Variants in ASAP1 observed in about 807,000 individuals in gnomAD.
The protein encoded by ASAP1 is ArfGAP with SH3 domain, ankyrin repeat and PH domain 1.
Under a neutral mutation model 145.2 loss-of-function variants are expected in ASAP1, and 43 were observed. The ratio of observed to expected loss-of-function variants is 0.30; its 90% CI spans 0.23 to 0.38. ASAP1 has a LOEUF of 0.38. Ranked by LOEUF, ASAP1 falls within the 10% of genes least tolerant of loss-of-function variation. The pLI is 1.00. For synonymous variants in ASAP1, 546 were observed against 515.5 expected (o/e 1.06, Z -0.80); for missense variants, 1,018 against 1,355.3 (o/e 0.75, Z 3.91).
intron 3 of ASAP1, among the ~76,000 whole-genome samples, chr8:130,241,487 T>G (rs1818524283): frequency 6.6e-6 from 1 of 152,114 alleles, no homozygotes. Context: ...CAAAAATGCT[T>G]ATGAAATGAA....
intron 27 of ASAP1, among the ~76,000 whole-genome samples, chr8:130,072,824 T>TGTGTGCGTGTGCGCGCGC: frequency 9.3e-5 from 3 of 32,282 alleles, no homozygotes; most frequent in Non-Finnish European, 1.7e-4. Context: ...TGTGTGTGTG[T>TGTGTGCGTGTGCGCGCGC]GCGCGCGGGG....
At chr8:130,253,096 C>T (rs1445099199) in intron 3 of ASAP1, among the ~76,000 whole-genome samples, 1 of 152,124 alleles carries the variant, frequency 6.6e-6, no homozygotes, top group Non-Finnish European at 1.5e-5. Context: ...GGCTTAGTTA[C>T]ACAATTTTTG....
At chr8:130,245,251 A>C (rs913012259) in intron 3 of ASAP1, among the ~76,000 whole-genome samples, 1 of 152,166 alleles carries the variant, frequency 6.6e-6, no homozygotes, top group Non-Finnish European at 1.5e-5. Flanking sequence ...TCTGCAAATA[A>C]AGGTTTTAAG....
intron 5 of ASAP1, among the ~76,000 whole-genome samples, chr8:130,192,019 G>C (rs1388060268): frequency 2.0e-5 from 3 of 151,738 alleles, no homozygotes; most frequent in Non-Finnish European, 4.4e-5. Context: ...TCACCAGAGG[G>C]CTTCTCTGGT....
intron 1 of ASAP1, among the ~76,000 whole-genome samples, chr8:130,417,745 C>T (rs1006369809): frequency 6.6e-6 from 1 of 152,104 alleles, no homozygotes; most frequent in African/African-American, 2.4e-5. Context: ...GGTTAGTCTT[C>T]ATCTGTTGGC....
At chr8:130,345,494 T>C (rs780247893) in intron 3 of ASAP1, among the ~76,000 whole-genome samples, 14 of 152,224 alleles carry the variant, frequency 9.2e-5, no homozygotes, top group East Asian at 3.8e-4. Flanking sequence ...AAGTAAATGC[T>C]AACCAGATTC....
chr8:130,347,009 C>T (rs528819891), intron 3 of ASAP1, among the ~76,000 whole-genome samples: 17 of 152,280 alleles, frequency 1.1e-4, no homozygotes, highest in African/African-American at 3.8e-4. Flanking sequence ...GTGAAGAAGC[C>T]GTTCAATGGA....
At chr8:130,107,323 C>T (rs1034930235) in intron 24 of ASAP1, among the ~76,000 whole-genome samples, 76 of 151,696 alleles carry the variant, frequency 5.0e-4, no homozygotes, top group African/African-American at 1.7e-3. Flanking sequence ...GCTGGGACTA[C>T]AGGCGTCCTC....
intron 12 of ASAP1, among the ~76,000 whole-genome samples, chr8:130,157,565 A>AGAAGAGAAGC (rs2097660474): frequency 6.6e-6 from 1 of 152,088 alleles, no homozygotes; most frequent in African/African-American, 2.4e-5. Context: ...AACATGTTGG[A>AGAAGAGAAGC]TTATGTCACT....
At chr8:130,094,514 T>A (rs78999189) in intron 24 of ASAP1, among the ~76,000 whole-genome samples, 2,731 of 147,536 alleles carry the variant, frequency 0.019, 45 homozygotes, top group Middle Eastern at 0.048. Context: ...AGTCTAAATT[T>A]AAAAAAAAAA....
At chr8:130,131,738 A>C (rs146764926) in intron 15 of ASAP1, among the ~76,000 whole-genome samples, 173 of 152,152 alleles carry the variant, frequency 1.1e-3, no homozygotes, top group African/African-American at 4.1e-3. Flanking sequence ...CTGAGGCTGC[A>C]AGTGAGCTAT....
At chr8:130,201,747 G>C (rs1380400882) in intron 5 of ASAP1, among the ~76,000 whole-genome samples, 1 of 152,196 alleles carries the variant, frequency 6.6e-6, no homozygotes, top group Non-Finnish European at 1.5e-5. Flanking sequence ...ATGATAATCA[G>C]TTAGTTCATG....
intron 3 of ASAP1, among the ~76,000 whole-genome samples, chr8:130,261,887 T>C (rs1222257665): frequency 2.0e-5 from 3 of 151,914 alleles, no homozygotes; most frequent in Non-Finnish European, 4.4e-5. Flanking sequence ...GTTGAACCTC[T>C]CCCCAAGCTA....
intron 4 of ASAP1, among the ~76,000 whole-genome samples, chr8:130,217,832 G>C (rs1173365513): frequency 6.6e-6 from 1 of 152,020 alleles, no homozygotes; most frequent in Non-Finnish European, 1.5e-5. Context: ...GGTGCAATGG[G>C]CACTCATGAA....
chr8:130,161,246 A>G (rs1410968207), intron 11 of ASAP1, among the ~76,000 whole-genome samples: 2 of 152,136 alleles, frequency 1.3e-5, no homozygotes, highest in African/African-American at 4.8e-5. Flanking sequence ...TATCCAGTTC[A>G]TAAACAACAC....
At chr8:130,225,520 TCTAA>T (rs1045821875) in intron 4 of ASAP1, among the ~76,000 whole-genome samples, 2 of 152,302 alleles carry the variant, frequency 1.3e-5, no homozygotes, top group Admixed American at 6.5e-5. Context: ...GAGGAGGAGT[TCTAA>T]CTTTTTTTTC....
rs1184199236 is a variant in ASAP1 at position 130,053,558 on chromosome 8, G to T, written c.*1173C>A. The stretch of plus-strand genomic sequence containing the variant: ...AAGACTGGAAAAATTATCTATAATT[G>T]GGGTTTAACAAAGAGCATGGGAAAA... On this transcript the variant is annotated 3_prime_UTR_variant, in exon 30 of 30. Transcript: ENST00000518721. The T allele has an allele frequency of 6.6e-6, 1 of 152,168 alleles. No individual in the cohort carries two copies. Among genetic ancestry groups the T allele is most frequent in the African/African-American group, 2.4e-5 (1 of 41,434 alleles). 9.4% of individuals were successfully genotyped at this position (152,168 alleles called of 1,614,324 possible).
intron 12 of ASAP1, among the ~76,000 whole-genome samples, chr8:130,157,203 T>C (rs1248784019): frequency 6.6e-6 from 1 of 152,242 alleles, no homozygotes; most frequent in Admixed American, 6.5e-5. Context: ...CAGTTTGGAC[T>C]AGCATTTGGT....
chr8:130,097,507 T>C (rs1460539823), intron 24 of ASAP1, among the ~76,000 whole-genome samples: 1 of 152,162 alleles, frequency 6.6e-6, no homozygotes, highest in Non-Finnish European at 1.5e-5. Context: ...ACTCAAGTGG[T>C]TGCCGCTGAA....
Sources: gnomAD v4.1 joint callset for allele counts (sites outside exome capture counted in the v4.1 genomes callset) on GRCh38, gnomAD v4.1.1 for gene constraint, MANE v1.5 for transcripts, NCBI Gene and HGNC (gene_info 2026-07-23, HGNC 2026-07-21) for gene names.